Variants in CDH18 observed in about 807,000 individuals in gnomAD.
The protein encoded by CDH18 is cadherin-18.
A neutral mutation model predicts 67.9 loss-of-function variants in CDH18; 31 were observed. The ratio of observed to expected loss-of-function variants is 0.46; its 90% confidence interval spans 0.34 to 0.62. CDH18 has a LOEUF of 0.62. Among genes scored for constraint, CDH18 ranks in the 20% least tolerant of loss-of-function variants. The probability of loss-of-function intolerance (pLI) is 0.01; values close to 1 mark genes in which losing one functional copy is unlikely to be tolerated. For synonymous variants in CDH18, 362 were observed against 347.2 expected (o/e 1.04, Z -0.48); for missense variants, 890 against 975.5 (o/e 0.91, Z 1.17).
At chr5:19,808,294 A>G (rs1338315536) in intron 3 of CDH18, among the ~76,000 whole-genome samples, 1 of 151,748 alleles carries the variant, frequency 6.6e-6, no homozygotes, top group Non-Finnish European at 1.5e-5. Context: ...TTACAAAAGA[A>G]AAAATAAAAC....
At chr5:20,369,358 G>A (rs928559959) in intron 1 of CDH18, among the ~76,000 whole-genome samples, 1 of 152,094 alleles carries the variant, frequency 6.6e-6, no homozygotes, top group African/African-American at 2.4e-5. Flanking sequence ...CCTGCAAAAA[G>A]AAACAAATGA....
chr5:20,248,750 G>A (rs1237651108), intron 2 of CDH18, among the ~76,000 whole-genome samples: 2 of 152,128 alleles, frequency 1.3e-5, no homozygotes, highest in South Asian at 2.1e-4. Context: ...AAGCATAAGC[G>A]AACGTTGAAC....
At chr5:20,559,815 A>T (rs1030428684) in intron 1 of CDH18, among the ~76,000 whole-genome samples, 2 of 152,132 alleles carry the variant, frequency 1.3e-5, no homozygotes, top group African/African-American at 2.4e-5. Flanking sequence ...TAACATCCCT[A>T]TTAAACAAGA....
At chr5:19,710,903 C>G (rs1440256331) in intron 5 of CDH18, among the ~76,000 whole-genome samples, 1 of 151,928 alleles carries the variant, frequency 6.6e-6, no homozygotes, top group Non-Finnish European at 1.5e-5. Flanking sequence ...TAAAAATAGA[C>G]ACATAGATCA....
intron 5 of CDH18, among the ~76,000 whole-genome samples, chr5:19,634,414 G>A (rs993352881): frequency 3.9e-5 from 6 of 151,982 alleles, no homozygotes; most frequent in African/African-American, 1.5e-4. Context: ...ACTTCCCTAC[G>A]ACTCAATTTC....
chr5:20,086,024 C>A (rs150736601), intron 2 of CDH18, among the ~76,000 whole-genome samples: 2 of 152,144 alleles, frequency 1.3e-5, no homozygotes, highest in African/African-American at 2.4e-5. Flanking sequence ...AGGCTTCTTG[C>A]GCAAAACAGT....
At chr5:20,328,949 C>G (rs1375492685) in intron 1 of CDH18, among the ~76,000 whole-genome samples, 3 of 119,414 alleles carry the variant, frequency 2.5e-5, no homozygotes, top group Non-Finnish European at 6.4e-5. Flanking sequence ...TGCACTTCAG[C>G]TCCCCTGGGT....
At chr5:19,615,117 A>G (rs1749612501) in intron 5 of CDH18, among the ~76,000 whole-genome samples, 1 of 101,888 alleles carries the variant, frequency 9.8e-6, no homozygotes. Flanking sequence ...ACTACACTCC[A>G]GCCCGGTGAC....
intron 5 of CDH18, among the ~76,000 whole-genome samples, chr5:19,630,291 C>A (rs1370048833): frequency 6.6e-6 from 1 of 152,110 alleles, no homozygotes; most frequent in Non-Finnish European, 1.5e-5. Flanking sequence ...TTAAGATATC[C>A]ATCCTTATCC....
In CDH18 at chr5:20,341,566, A is replaced by T. The variant is rs941667449; in HGVS notation, c.-579-86061T>A. On this transcript the variant is annotated intron_variant, in intron 1 of 14. Transcript: ENST00000507958. ...GGGCATATATATATATATTTATGCA[A>T]ACACTAATATAGAACTAATAGGATA... 3.7e-4 allele frequency among the ~76,000 whole-genome samples: 55 copies of T among 150,504 alleles called. 2 individuals carry two copies. Among genetic ancestry groups the T allele is most frequent in the Non-Finnish European group, 2.9e-5 (2 of 67,888 alleles).
At position 19,544,073 on chromosome 5, in the gene CDH18, T is replaced by C. The variant is rs550353849; in HGVS notation, c.1254-68A>G. On this transcript the variant is annotated intron_variant, in intron 8 of 12. Transcript: ENST00000382275. ...GAAAATACAACTGAACCAAGGAAAG[T>C]ATTATATCTAAATACATTAAAATAT... 8.4e-5 allele frequency: 58 copies of C among 692,556 alleles called. No homozygotes were observed. In the East Asian group the frequency reaches 1.6e-3, roughly 19 times the overall value. 42.9% of individuals were successfully genotyped at this position (692,556 alleles called of 1,614,324 possible).
chr5:19,762,437 A>G (rs1485193702), intron 3 of CDH18, among the ~76,000 whole-genome samples: 1 of 152,218 alleles, frequency 6.6e-6, no homozygotes, highest in African/African-American at 2.4e-5. Context: ...GGCAAAGTGT[A>G]TGAACAGACA....
intron 2 of CDH18, among the ~76,000 whole-genome samples, chr5:20,178,320 C>A (rs1039439943): frequency 1.3e-5 from 2 of 151,926 alleles, no homozygotes; most frequent in South Asian, 4.1e-4. Flanking sequence ...TAAAATAAAT[C>A]TCTCTTTCTT....
At chr5:20,321,906 A>T (rs1738061350) in intron 1 of CDH18, among the ~76,000 whole-genome samples, 1 of 152,138 alleles carries the variant, frequency 6.6e-6, no homozygotes, top group Admixed American at 6.5e-5. Flanking sequence ...AGCAGAGCAA[A>T]TCCTTCAGTT....
At chr5:19,587,774 GT>G (rs1210882269) in intron 7 of CDH18, among the ~76,000 whole-genome samples, 2 of 151,676 alleles carry the variant, frequency 1.3e-5, no homozygotes, top group East Asian at 3.9e-4. Flanking sequence ...GGCTCTTCAG[GT>G]TTTTTGGTTT....
chr5:20,372,115 G>T (rs1743054092), intron 1 of CDH18, among the ~76,000 whole-genome samples: 1 of 152,124 alleles, frequency 6.6e-6, no homozygotes, highest in Non-Finnish European at 1.5e-5. Flanking sequence ...CTGAAGCTCT[G>T]TAACTTTAGT....
At chr5:19,782,321 A>G (rs1775210758) in intron 3 of CDH18, among the ~76,000 whole-genome samples, 1 of 152,120 alleles carries the variant, frequency 6.6e-6, no homozygotes, top group Non-Finnish European at 1.5e-5. Flanking sequence ...TGAGGGGAGC[A>G]TGGGAGAAAA....
intron 7 of CDH18, among the ~76,000 whole-genome samples, chr5:19,583,010 T>C (rs919368762): frequency 2.0e-5 from 3 of 152,012 alleles, no homozygotes; most frequent in African/African-American, 7.2e-5. Context: ...TTTATAACTT[T>C]CAGTGTTTAC....
At chr5:20,083,968 G>A (rs1343895689) in intron 2 of CDH18, among the ~76,000 whole-genome samples, 3 of 152,084 alleles carry the variant, frequency 2.0e-5, no homozygotes, top group African/African-American at 2.4e-5. Flanking sequence ...ACATCATTCC[G>A]CACCTGGTCC....
Sources: allele counts gnomAD v4.1 joint callset (sites outside exome capture counted in the v4.1 genomes callset), GRCh38; gene constraint gnomAD v4.1.1; transcripts MANE v1.5; gene names NCBI Gene and HGNC (gene_info 2026-07-23, HGNC 2026-07-21).